Variants in XRRA1 observed in about 807,000 individuals in gnomAD.
The protein encoded by XRRA1 is X-ray radiation resistance associated 1, also known as X-ray radiation resistance-associated protein 1.
In XRRA1, 69 loss-of-function variants were observed where a neutral mutation model predicts 80.2. The ratio of observed to expected loss-of-function variants is 0.86; its 90% CI spans 0.71 to 1.05. XRRA1 has a LOEUF of 1.05. XRRA1 is among the 50% of genes least tolerant of loss of function. The probability of loss-of-function intolerance (pLI) is 0.00; values close to 1 mark genes in which losing one functional copy is unlikely to be tolerated. For missense variants in XRRA1, 967 were observed against 976.4 expected (o/e 0.99, Z 0.13); for synonymous variants, 348 against 389.9 (o/e 0.89, Z 1.27).
chr11:74,912,327 G>A lies in XRRA1; in HGVS notation c.657-5054C>T, dbSNP rs114857671. Among the ~76,000 whole-genome samples the A allele has an allele frequency of 9.1e-3, 1,380 of 152,274 alleles. 27 individuals carry two copies. The highest frequency in any genetic ancestry group is 0.031 in the African/African-American group (1,303 of 41,564). ...AACTAACAAGCTGTGAAGAATTATG[G>A]CGCTAAGATTTGAAAAAAGAAGGAA... On this transcript the variant is annotated intron_variant, in intron 8 of 18. Transcript: ENST00000684022.
In XRRA1 at chr11:74,845,242, A is replaced by G; in HGVS notation, c.1758T>C (p.His586=). The G allele has an allele frequency of 1.9e-6, 3 of 1,613,822 alleles. No homozygotes were observed. Among genetic ancestry groups the G allele is most frequent in the Non-Finnish European group, 2.5e-6 (3 of 1,179,790 alleles). Residue 586 remains histidine (H), a synonymous_variant, in exon 16 of 19, where the codon CAT becomes CAC. Transcript: ENST00000684022. Reference sequence around the variant, plus strand: ...TCTCCTTTAACTCTAAATCATCCTTATGGATGACGGAGGAAGGCAGTTCAC... The same window carrying G: ...TCTCCTTTAACTCTAAATCATCCTTGTGGATGACGGAGGAAGGCAGTTCAC... The part of the protein sequence containing the change: ...QVSELPSSVI[H]KDDLELKEKD...
At chr11:74,921,137 C>T in intron 8 of XRRA1, 77 bp downstream of exon 8, 1 of 1,560,514 alleles carries the variant, frequency 6.4e-7, no homozygotes, top group Non-Finnish European at 8.7e-7. Context: ...CTTTATGGCA[C>T]TTCAAGCTGC....
intron 10 of XRRA1, among the ~76,000 whole-genome samples, chr11:74,879,171 G>A (rs1055467101): frequency 1.4e-4 from 21 of 150,592 alleles, no homozygotes; most frequent in African/African-American, 4.6e-4. Flanking sequence ...CCTTGGAGAG[G>A]TCCTTCACAT....
intron 10 of XRRA1, among the ~76,000 whole-genome samples, chr11:74,898,310 G>A (rs945975699): frequency 1.3e-5 from 2 of 152,050 alleles, no homozygotes; most frequent in African/African-American, 4.8e-5. Context: ...CATATTACCA[G>A]AGAAAATCAC....
intron 10 of XRRA1, among the ~76,000 whole-genome samples, chr11:74,866,872 T>C (rs979503806): frequency 6.6e-6 from 1 of 151,982 alleles, no homozygotes; most frequent in Admixed American, 6.6e-5. Flanking sequence ...AAAGAAAATA[T>C]TAGGGTTGCT....
chr11:74,860,981 T>A (rs1651278335), intron 11 of XRRA1, among the ~76,000 whole-genome samples: 1 of 152,202 alleles, frequency 6.6e-6, no homozygotes, highest in Non-Finnish European at 1.5e-5. Context: ...TGCACCAGCA[T>A]GACCCCTGGG....
At chr11:74,933,711 C>T (rs1320514825) in intron 5 of XRRA1, 90 bp downstream of exon 5, 23 of 1,201,976 alleles carry the variant, frequency 1.9e-5, no homozygotes, top group Non-Finnish European at 2.5e-5. Flanking sequence ...TCCCTAGGGA[C>T]TCTGGAGGTG....
chr11:74,945,862 C>T (rs1346192781), intron 1 of XRRA1, among the ~76,000 whole-genome samples: 1 of 152,154 alleles, frequency 6.6e-6, no homozygotes, highest in Non-Finnish European at 1.5e-5. Context: ...TGGCCTATCA[C>T]ATTTCTGCCC....
chr11:74,933,449 A>C (rs955893525), intron 5 of XRRA1: 1 of 171,072 alleles, frequency 5.8e-6, no homozygotes, highest in African/African-American at 2.4e-5. Flanking sequence ...GTAGAGATGG[A>C]GTTTCACCAT....
intron 12 of XRRA1, among the ~76,000 whole-genome samples, 187 bp from the exon 13 acceptor site, chr11:74,852,269 C>T (rs1326713822): frequency 6.6e-6 from 1 of 152,158 alleles, no homozygotes; most frequent in Non-Finnish European, 1.5e-5. Flanking sequence ...CCTACTCATG[C>T]ACAGAGTACC....
At position 74,843,252 on chromosome 11, in the gene XRRA1, T is replaced by C; in HGVS notation, c.2351A>G (p.Glu784Gly). The change falls in exon 19 of 19, where the codon GAG becomes GGG. Residue 784 changes from glutamate to glycine, a missense_variant. Coordinates refer to ENST00000684022, the MANE Select transcript of XRRA1 (RefSeq NM_001378157.1). ...CTCCTGGCAGAACTCATCCATGAAC[T>C]CGAGGAAGTGGCCGAACTTGGGCTG... is the stretch of plus-strand genomic sequence containing the variant. The part of the protein sequence containing the change: ...ESQPKFGHFL[E>G]FMDEFCQEPT... 1.3e-6 allele frequency: 2 copies of C among 1,567,898 alleles called. No homozygotes were observed.
intron 8 of XRRA1, among the ~76,000 whole-genome samples, chr11:74,916,313 TG>T (rs1036334948): frequency 2.0e-5 from 3 of 152,216 alleles, no homozygotes; most frequent in African/African-American, 7.2e-5. Flanking sequence ...GTTTGCTTGA[TG>T]GTATCCCAAT....
chr11:74,865,284 G>C (rs2043157297), intron 10 of XRRA1, among the ~76,000 whole-genome samples: 1 of 152,154 alleles, frequency 6.6e-6, no homozygotes, highest in African/African-American at 2.4e-5. Context: ...AGCAGATCCT[G>C]TGTGGGCCCA....
At chr11:74,914,849 C>T (rs1031022860) in intron 8 of XRRA1, among the ~76,000 whole-genome samples, 2 of 151,994 alleles carry the variant, frequency 1.3e-5, no homozygotes, top group Non-Finnish European at 2.9e-5. Flanking sequence ...AATCCCCCAT[C>T]AAGTGAAAGC....
chr11:74,885,478 A>G (rs763352109), intron 10 of XRRA1, among the ~76,000 whole-genome samples: 31 of 152,202 alleles, frequency 2.0e-4, no homozygotes, highest in Non-Finnish European at 4.3e-4. Flanking sequence ...GAAGAAATGG[A>G]TAAATCCATG....
chr11:74,936,825 C>T, intron 4 of XRRA1, 59 bp downstream of exon 4: 3 of 1,535,134 alleles, frequency 2.0e-6, no homozygotes, highest in Non-Finnish European at 2.6e-6. Flanking sequence ...CAAATCCTTC[C>T]CCACTTCCTC....
chr11:74,851,953 C>T (rs1390171431), intron 13 of XRRA1, 36 bp downstream of exon 13: 1 of 1,581,258 alleles, frequency 6.3e-7, no homozygotes. Flanking sequence ...TCCTTGGGCA[C>T]TGGGTTGAGA....
At chr11:74,923,464 G>A (rs1941433518) in intron 7 of XRRA1, among the ~76,000 whole-genome samples, 1 of 152,134 alleles carries the variant, frequency 6.6e-6, no homozygotes, top group Non-Finnish European at 1.5e-5. Flanking sequence ...GGGAAAAGTG[G>A]GGAACATTCT....
chr11:74,934,820 T>G (rs1944539276), intron 4 of XRRA1, among the ~76,000 whole-genome samples: 2 of 152,180 alleles, frequency 1.3e-5, no homozygotes, highest in African/African-American at 4.8e-5. Flanking sequence ...AGGGGGCTGA[T>G]AGTAATTTTA....
Sources: gnomAD v4.1 joint callset for allele counts (sites outside exome capture counted in the v4.1 genomes callset) on GRCh38, gnomAD v4.1.1 for gene constraint, MANE v1.5 for transcripts, NCBI Gene and HGNC (gene_info 2026-07-23, HGNC 2026-07-21) for gene names.